Variants in DOCK3 observed in about 807,000 individuals in gnomAD.
The protein encoded by DOCK3 is dedicator of cytokinesis protein 3.
In DOCK3, 60 loss-of-function variants were observed where a neutral mutation model predicts 265.6. The ratio of observed to expected loss-of-function variants is 0.23; its 90% CI spans 0.18 to 0.28. DOCK3 has a LOEUF of 0.28. Ranked by LOEUF, DOCK3 falls within the 10% of genes least tolerant of loss-of-function variation. The pLI is 1.00. For synonymous variants in DOCK3, 881 were observed against 938.0 expected (o/e 0.94, Z 1.11); for missense variants, 1,981 against 2,594.3 (o/e 0.76, Z 5.14).
chr3:50,975,820 T>G (rs1279766522), intron 5 of DOCK3, among the ~76,000 whole-genome samples: 18 of 151,588 alleles, frequency 1.2e-4, no homozygotes, highest in Non-Finnish European at 1.0e-4. Context: ...CAATTTCAGA[T>G]CCTGTTATTG....
chr3:51,186,701 C>T (rs112773039), intron 12 of DOCK3, among the ~76,000 whole-genome samples: 1,905 of 152,308 alleles, frequency 0.013, 48 homozygotes, highest in African/African-American at 0.042. Context: ...CCTTGGTGCC[C>T]TGCATCTCAG....
rs116535581 is a variant in DOCK3 at position 51,268,527 on chromosome 3, C to G, written c.2356-2288C>G. Among the ~76,000 whole-genome samples the G allele has an allele frequency of 2.7e-3, 417 of 152,300 alleles. 1 individual carries two copies. Among genetic ancestry groups the G allele is most frequent in the African/African-American group, 9.6e-3 (399 of 41,564 alleles). ...TACACCAAAACCTGTCAGCAAAGAT[C>G]AGACAGCCTCTCTCATGTCCAGTCA... On this transcript the variant is annotated intron_variant, in intron 23 of 52. Coordinates refer to ENST00000266037, the MANE Select transcript of DOCK3 (RefSeq NM_004947.5).
At chr3:51,308,508 C>T (rs2082835699) in intron 27 of DOCK3, among the ~76,000 whole-genome samples, 1 of 151,460 alleles carries the variant, frequency 6.6e-6, no homozygotes, top group Non-Finnish European at 1.5e-5. Context: ...GGACACAGCA[C>T]ATGTTTCAGA....
chr3:50,951,585 A>C (rs1333560224), intron 5 of DOCK3, among the ~76,000 whole-genome samples: 1 of 152,176 alleles, frequency 6.6e-6, no homozygotes, highest in African/African-American at 2.4e-5. Context: ...CAGGGGACAT[A>C]AAATAGTGTT....
intron 12 of DOCK3, among the ~76,000 whole-genome samples, chr3:51,203,893 T>A (rs915582883): frequency 5.3e-5 from 8 of 152,136 alleles, no homozygotes; most frequent in Non-Finnish European, 1.2e-4. Flanking sequence ...TTGACAAACC[T>A]GACAAAAACA....
intron 5 of DOCK3, among the ~76,000 whole-genome samples, chr3:51,012,387 C>T (rs2078987264): frequency 6.6e-6 from 1 of 152,150 alleles, no homozygotes; most frequent in African/African-American, 2.4e-5. Context: ...CCTTGCAGTT[C>T]GATCTCAGAC....
chr3:50,982,513 A>G (rs1472080902), intron 5 of DOCK3, among the ~76,000 whole-genome samples: 1 of 152,072 alleles, frequency 6.6e-6, no homozygotes, highest in Admixed American at 6.6e-5. Context: ...CCTGTGCCTC[A>G]TGTCCCCAAG....
At chr3:50,918,522 C>CT (rs1277486425) in intron 4 of DOCK3, among the ~76,000 whole-genome samples, 3 of 152,008 alleles carry the variant, frequency 2.0e-5, no homozygotes, top group Non-Finnish European at 4.4e-5. Flanking sequence ...GATAATGAGC[C>CT]TTTTTTCATG....
At chr3:50,796,375 C>T (rs2042783707) in intron 2 of DOCK3, among the ~76,000 whole-genome samples, 1 of 143,726 alleles carries the variant, frequency 7.0e-6, no homozygotes, top group Non-Finnish European at 1.5e-5. Context: ...TTTTGCTCTT[C>T]TTGCCCAGGC....
Position 51,075,363 on chromosome 3 carries a change from G to T in DOCK3, c.472G>T (p.Gly158Cys). ...VRLDWGNEHL[G>C]LDLVPRKDFE... ...GGTCTTTCTCTTTACTAGACATTTG[G>T]GCCTGGACCTGGTGCCTCGGAAGGA... is the stretch of plus-strand genomic sequence containing the variant. Residue 158 changes from glycine (G) to cysteine (C), a missense_variant, in exon 7 of 53, where the codon GGC becomes TGC. Around this residue, in one of 4 missense-constraint regions of DOCK3, gnomAD observed 456 missense variants for 539.0 expected, o/e 0.85. Coordinates refer to ENST00000266037, the MANE Select transcript of DOCK3 (RefSeq NM_004947.5). 6.2e-7 allele frequency: 1 copy of T among 1,610,054 alleles called. No individual in the cohort carries two copies. Among genetic ancestry groups the T allele is most frequent in the East Asian group, 2.2e-5 (1 of 44,848 alleles).
At chr3:51,075,072 A>G (rs370739790) in intron 6 of DOCK3, among the ~76,000 whole-genome samples, 2 of 152,174 alleles carry the variant, frequency 1.3e-5, no homozygotes, top group African/African-American at 4.8e-5. Flanking sequence ...AAGAAAACCT[A>G]TCCTTAATGA....
intron 12 of DOCK3, among the ~76,000 whole-genome samples, chr3:51,171,166 G>A (rs1359040711): frequency 2.0e-5 from 3 of 151,960 alleles, no homozygotes; most frequent in Admixed American, 6.6e-5. Context: ...CTGCAGGTAG[G>A]CATTTATTAC....
At chr3:51,065,357 T>A (rs1295827397) in intron 6 of DOCK3, among the ~76,000 whole-genome samples, 1 of 152,162 alleles carries the variant, frequency 6.6e-6, no homozygotes. Context: ...CTTATCCTTT[T>A]TGGGAGGGGC....
chr3:51,033,734 A>G (rs1484078293), intron 5 of DOCK3, among the ~76,000 whole-genome samples: 2 of 152,210 alleles, frequency 1.3e-5, no homozygotes, highest in Admixed American at 6.5e-5. Context: ...CAATTAGGAC[A>G]TGAACAAGAT....
chr3:51,270,402 G>A (rs1447433947), intron 23 of DOCK3, among the ~76,000 whole-genome samples: 9 of 152,152 alleles, frequency 5.9e-5, no homozygotes, highest in African/African-American at 2.2e-4. Context: ...AAGGAACTCA[G>A]CTCTCTCTGC....
intron 5 of DOCK3, among the ~76,000 whole-genome samples, chr3:51,038,476 AAC>A (rs1324160812): frequency 6.6e-6 from 1 of 152,208 alleles, no homozygotes; most frequent in Admixed American, 6.5e-5. Context: ...TGTGGAGATG[AAC>A]ACATCAGACC....
At chr3:51,162,046 T>TA (rs1033581030) in intron 12 of DOCK3, among the ~76,000 whole-genome samples, 5 of 152,188 alleles carry the variant, frequency 3.3e-5, no homozygotes, top group East Asian at 1.9e-4. Context: ...ATTGTAGTGC[T>TA]AAAAAAATGA....
chr3:50,788,231 C>T (rs767837125), intron 2 of DOCK3: 5 of 735,940 alleles, frequency 6.8e-6, no homozygotes, highest in Non-Finnish European at 1.0e-5. Flanking sequence ...ATTCCTGCTA[C>T]AGGCACAGCA....
At chr3:51,368,616 C>G (rs2087437777) in intron 49 of DOCK3, among the ~76,000 whole-genome samples, 1 of 152,242 alleles carries the variant, frequency 6.6e-6, no homozygotes, top group South Asian at 2.1e-4. Flanking sequence ...TCTGTAGCCT[C>G]CACCTCTGGG....
Sources: gnomAD v4.1 joint callset for allele counts (sites outside exome capture counted in the v4.1 genomes callset) on GRCh38, gnomAD v4.1.1 for gene constraint, gnomAD v4.1.1 regional missense constraint, MANE v1.5 for transcripts, NCBI Gene and HGNC (gene_info 2026-07-23, HGNC 2026-07-21) for gene names.